The following RAD54B variants were observed in gnomAD, a reference collection of about 807,000 sequenced individuals.
RAD54B encodes the protein DNA repair and recombination protein RAD54B.
A neutral mutation model predicts 95.8 loss-of-function variants in RAD54B; 78 were observed. That is an observed-to-expected ratio of 0.81 (90% confidence interval 0.68 to 0.98). The LOEUF (loss-of-function observed/expected upper bound fraction) is 0.98. RAD54B is among the 50% of genes least tolerant of loss of function. RAD54B has a pLI of 0.00. For synonymous variants in RAD54B, 328 were observed against 354.9 expected (o/e 0.92, Z 0.85); for missense variants, 957 against 1,056.6 (o/e 0.91, Z 1.31).
intron 11 of RAD54B, among the ~76,000 whole-genome samples, chr8:94,384,157 AAAG>A (rs1162901968): frequency 6.6e-6 from 1 of 151,994 alleles, no homozygotes; most frequent in Non-Finnish European, 1.5e-5. Context: ...AATTAAAAAA[AAAG>A]AATTCAAAGC....
At chr8:94,377,572 A>C (rs1388030810) in intron 14 of RAD54B, among the ~76,000 whole-genome samples, 9 of 131,482 alleles carry the variant, frequency 6.8e-5, no homozygotes, top group East Asian at 2.5e-4. Flanking sequence ...AAAAAAAAAA[A>C]AAAAAAAAAC....
chr8:94,466,174 G>A (rs187967489), intron 2 of RAD54B, among the ~76,000 whole-genome samples: 9 of 152,188 alleles, frequency 5.9e-5, no homozygotes, highest in Non-Finnish European at 1.3e-4. Context: ...TGTTACATAC[G>A]CTTAACCACA....
Position 94,391,743 on chromosome 8 carries a change from A to G in RAD54B, c.1675T>C (p.Tyr559His). 1.2e-6 allele frequency: 2 copies of G among 1,614,058 alleles called. No individual in the cohort carries two copies. Among genetic ancestry groups the G allele is most frequent in the Non-Finnish European group, 1.7e-6 (2 of 1,179,998 alleles). ...ACCTGAGAATTTAACAGCTTTCGAT[A>G]AAGCTCAATCTGTAGTGCTCCTGGT... ...CRPGALQIEL[Y>H]RKLLNSQVVR... The change falls in exon 10 of 15, where the codon TAT becomes CAT. Residue 559 changes from tyrosine to histidine, a missense_variant. Physicochemically the swap from Tyr to His is moderately conservative, Grantham distance 83. Transcript: ENST00000336148.
chr8:94,385,430 G>GACTGAGAT (rs1563636793), intron 11 of RAD54B, among the ~76,000 whole-genome samples: 2 of 151,836 alleles, frequency 1.3e-5, no homozygotes, highest in African/African-American at 2.4e-5. Flanking sequence ...TCTTAAACTG[G>GACTGAGAT]GTCACAATCT....
intron 3 of RAD54B, among the ~76,000 whole-genome samples, chr8:94,423,836 CTG>C (rs1305009818): frequency 3.9e-5 from 6 of 152,172 alleles, no homozygotes; most frequent in African/African-American, 1.4e-4. Context: ...GTAGCAGTCA[CTG>C]TGCATTGAAT....
chr8:94,458,532 A>T, intron 2 of RAD54B, 96 bp from the exon 3 acceptor site: 1 of 880,054 alleles, frequency 1.1e-6, no homozygotes, highest in Non-Finnish European at 1.7e-6. Flanking sequence ...AAAACAGGAC[A>T]TACTGGTTAT....
chr8:94,408,349 A>G (rs894937362), intron 4 of RAD54B, among the ~76,000 whole-genome samples: 1 of 152,176 alleles, frequency 6.6e-6, no homozygotes, highest in African/African-American at 2.4e-5. Flanking sequence ...TGGATAAGTC[A>G]GTCATGGGCT....
intron 3 of RAD54B, chr8:94,429,140 T>G (rs781101733): frequency 3.1e-5 from 30 of 980,980 alleles, no homozygotes; most frequent in Admixed American, 6.2e-5. Context: ...GATTCTGGTG[T>G]TTAAAAATAT....
At chr8:94,424,404 T>C (rs182233679) in intron 3 of RAD54B, among the ~76,000 whole-genome samples, 4 of 152,344 alleles carry the variant, frequency 2.6e-5, no homozygotes, top group Admixed American at 2.0e-4. Flanking sequence ...ACATAGTAAG[T>C]GCTCCCTTAA....
intron 3 of RAD54B, among the ~76,000 whole-genome samples, chr8:94,444,174 A>G (rs1237889630): frequency 6.6e-6 from 1 of 152,196 alleles, no homozygotes; most frequent in Non-Finnish European, 1.5e-5. Flanking sequence ...AAAAGATAAC[A>G]GTAGGTTTTC....
intron 12 of RAD54B, 51 bp downstream of exon 12, chr8:94,380,094 T>A: frequency 6.6e-7 from 1 of 1,521,782 alleles, no homozygotes; most frequent in Non-Finnish European, 8.9e-7. Flanking sequence ...TCAATAGGCA[T>A]TGTATCCTCA....
intron 3 of RAD54B, among the ~76,000 whole-genome samples, chr8:94,411,643 A>G (rs944117061): frequency 1.2e-4 from 19 of 152,072 alleles, no homozygotes; most frequent in African/African-American, 4.3e-4. Flanking sequence ...TAGCATGGAA[A>G]AATATCTAAA....
intron 3 of RAD54B, chr8:94,430,051 A>C (rs1812048672): frequency 1.0e-6 from 1 of 983,528 alleles, no homozygotes; most frequent in Non-Finnish European, 1.2e-6. Context: ...CGGTGGCTCA[A>C]GCCTGTAATC....
intron 3 of RAD54B, chr8:94,429,157 A>C (rs1038233783): frequency 1.0e-5 from 10 of 966,580 alleles, no homozygotes; most frequent in Non-Finnish European, 1.2e-5. Flanking sequence ...ATATGTAAAA[A>C]TAGGTTTCTT....
intron 2 of RAD54B, among the ~76,000 whole-genome samples, chr8:94,459,932 G>A (rs188638697): frequency 1.8e-3 from 268 of 152,010 alleles, no homozygotes; most frequent in African/African-American, 6.3e-3. Flanking sequence ...GCCAAGGCAG[G>A]CAGATCACGA....
At position 94,411,250 on chromosome 8, in the gene RAD54B, T is replaced by C. The variant is rs1811521042; in HGVS notation, c.370A>G (p.Lys124Glu). The C allele has an allele frequency of 6.2e-7, 1 of 1,610,940 alleles. No homozygotes were observed. The highest frequency in any genetic ancestry group is 8.5e-7 in the Non-Finnish European group (1 of 1,179,014). ...EQEEKSDSLV[K>E]YFSVVWCKPS... Reference sequence around the variant, plus strand: ...TTACACCAAACAACACTGAAATATTTAACTAGGCTATCAGATTTCTCTTCT... The same window carrying C: ...TTACACCAAACAACACTGAAATATTCAACTAGGCTATCAGATTTCTCTTCT... Residue 124 changes from lysine (K) to glutamate (E), a missense_variant, in exon 4 of 15, where the codon AAA (lysine) becomes GAA (glutamate). Transcript: ENST00000336148.
At chr8:94,461,443 A>C (rs1376182683) in intron 2 of RAD54B, among the ~76,000 whole-genome samples, 2 of 151,802 alleles carry the variant, frequency 1.3e-5, no homozygotes, top group Non-Finnish European at 2.9e-5. Context: ...TGCTGGGATT[A>C]CAGGCGTGAG....
At position 94,378,233 on chromosome 8, in the gene RAD54B, C is replaced by T. The variant is rs770354023; in HGVS notation, c.2462G>A (p.Cys821Tyr). The change falls in exon 14 of 15, where the codon TGT becomes TAT. Residue 821 changes from cysteine (C) to tyrosine (Y), a missense_variant. Transcript: ENST00000336148. ...NLFTLHESSD[C>Y]VTHDLLDCEC... ...ACAGTCAAGCAGATCATGAGTAACA[C>T]AATCTGAACTTTCATGTAATGTGAA... 4 of 1,613,092 alleles carry T rather than the reference C, an allele frequency of 2.5e-6. No homozygotes were observed. Among genetic ancestry groups the T allele is most frequent in the Non-Finnish European group, 3.4e-6 (4 of 1,179,636 alleles).
At position 94,378,240 on chromosome 8, in the gene RAD54B, A is replaced by C; in HGVS notation, c.2455T>G (p.Ser819Ala). Residue 819 changes from serine (S) to alanine (A), a missense_variant, in exon 14 of 15, where the codon TCA becomes GCA. Physicochemically the swap from Ser to Ala is moderately conservative, Grantham distance 99. Coordinates refer to ENST00000336148, the MANE Select transcript of RAD54B (RefSeq NM_012415.3). The part of the protein sequence containing the change: ...LKNLFTLHES[S>A]DCVTHDLLDC... Reference sequence around the variant, plus strand: ...AGCAGATCATGAGTAACACAATCTGAACTTTCATGTAATGTGAACAAATTT... The same window carrying C: ...AGCAGATCATGAGTAACACAATCTGCACTTTCATGTAATGTGAACAAATTT... The C allele has an allele frequency of 6.2e-7, 1 of 1,613,398 alleles. No individual in the cohort carries two copies. Among genetic ancestry groups the C allele is most frequent in the Non-Finnish European group, 8.5e-7 (1 of 1,179,698 alleles).
Sources: gnomAD v4.1 joint callset for allele counts (sites outside exome capture counted in the v4.1 genomes callset) on GRCh38, gnomAD v4.1.1 for gene constraint, MANE v1.5 for transcripts, NCBI Gene and HGNC (gene_info 2026-07-23, HGNC 2026-07-21) for gene names.